FHIT: variants seen among roughly 807,000 people sequenced by gnomAD.
FHIT encodes the protein bis(5'-adenosyl)-triphosphatase.
In FHIT, 19 loss-of-function variants were observed where a neutral mutation model predicts 17.9. The observed-to-expected ratio is 1.06, with a 90% CI of 0.74 to 1.56. The LOEUF is 1.56. Ranked by LOEUF, FHIT falls within the 40% of genes most tolerant of loss-of-function variation. The pLI, the probability that FHIT is intolerant of heterozygous loss-of-function variation, is 0.00. For missense variants in FHIT, 248 were observed against 189.2 expected (o/e 1.31, Z -1.82); for synonymous variants, 81 against 69.7 (o/e 1.16, Z -0.81).
chr3:60,145,033 C>A (rs1220524271), intron 5 of FHIT, among the ~76,000 whole-genome samples: 1 of 152,082 alleles, frequency 6.6e-6, no homozygotes, highest in Non-Finnish European at 1.5e-5. Context: ...TCAGATTATC[C>A]CAATGGTCTA....
intron 3 of FHIT, among the ~76,000 whole-genome samples, chr3:60,985,552 T>C (rs151053251): frequency 1.4e-3 from 220 of 152,326 alleles, no homozygotes; most frequent in African/African-American, 5.1e-3. Context: ...CAGAACATTA[T>C]ACTCTATCTC....
chr3:60,146,814 A>G (rs1482642035), intron 5 of FHIT, among the ~76,000 whole-genome samples: 1 of 152,186 alleles, frequency 6.6e-6, no homozygotes, highest in East Asian at 1.9e-4. Context: ...ACTTCCTACC[A>G]TGCGTCCGCT....
chr3:60,078,473 A>C (rs1017740929), intron 5 of FHIT, among the ~76,000 whole-genome samples: 30 of 152,162 alleles, frequency 2.0e-4, no homozygotes, highest in African/African-American at 6.8e-4. Context: ...CAAAAATGTC[A>C]AGGTCATGAA....
intron 4 of FHIT, among the ~76,000 whole-genome samples, chr3:60,568,447 G>A (rs1461713245): frequency 2.0e-5 from 3 of 151,812 alleles, no homozygotes; most frequent in Non-Finnish European, 2.9e-5. Flanking sequence ...TCACACACCA[G>A]GGCCTGTTGT....
intron 8 of FHIT, among the ~76,000 whole-genome samples, chr3:59,791,036 G>GC (rs1699534403): frequency 6.6e-6 from 1 of 152,144 alleles, no homozygotes; most frequent in African/African-American, 2.4e-5. Context: ...CCCTGACTTT[G>GC]CCTGGGCTCC....
chr3:60,586,612 C>T (rs2037915023), intron 4 of FHIT, among the ~76,000 whole-genome samples: 1 of 151,864 alleles, frequency 6.6e-6, no homozygotes. Context: ...CAATGATAGA[C>T]TGAATAAAGA....
At chr3:60,157,247 T>G (rs776796062) in intron 5 of FHIT, among the ~76,000 whole-genome samples, 1 of 152,134 alleles carries the variant, frequency 6.6e-6, no homozygotes, top group Non-Finnish European at 1.5e-5. Flanking sequence ...AAGACCACAG[T>G]GAATGATCGG....
chr3:61,157,268 G>C (rs1214607566), intron 2 of FHIT, among the ~76,000 whole-genome samples: 1 of 152,128 alleles, frequency 6.6e-6, no homozygotes, highest in Non-Finnish European at 1.5e-5. Context: ...CATGGTGGAT[G>C]AAAGTAAGAT....
chr3:59,801,572 G>A (rs1699994310), intron 8 of FHIT, among the ~76,000 whole-genome samples: 1 of 152,116 alleles, frequency 6.6e-6, no homozygotes, highest in Non-Finnish European at 1.5e-5. Context: ...CTTCACTAGT[G>A]CCACAGTGTG....
intron 5 of FHIT, among the ~76,000 whole-genome samples, chr3:60,109,750 T>C (rs187947093): frequency 1.3e-5 from 2 of 152,192 alleles, no homozygotes; most frequent in African/African-American, 4.8e-5. Flanking sequence ...GTTCTTAGCT[T>C]TGCCTGCTGG....
intron 4 of FHIT, among the ~76,000 whole-genome samples, chr3:60,657,912 AT>A (rs1291055065): frequency 6.6e-6 from 1 of 151,958 alleles, no homozygotes; most frequent in Non-Finnish European, 1.5e-5. Flanking sequence ...CGTTATTATT[AT>A]TTTTTTCCAA....
At chr3:60,638,719 C>T (rs1445263585) in intron 4 of FHIT, among the ~76,000 whole-genome samples, 1 of 151,956 alleles carries the variant, frequency 6.6e-6, no homozygotes, top group Non-Finnish European at 1.5e-5. Flanking sequence ...GATATATTAA[C>T]ATCCTATGAT....
At position 60,663,153 on chromosome 3, in the gene FHIT, G is replaced by GTGATATATATATATATATATATAT. The variant is rs57146494; in HGVS notation, c.-17-126175_-17-126174insATATATATATATATATATATATCA. On this transcript the variant is annotated intron_variant, in intron 4 of 9. Coordinates refer to ENST00000492590, the MANE Select transcript of FHIT (RefSeq NM_002012.4). ...CTATATAGCCCTAATATTGGGTGGA[G>GTGATATATATATATATATATATAT]ATATATATCTCTTTAATGTTGGGTT... is the stretch of plus-strand genomic sequence containing the variant. 4.2e-3 allele frequency among the ~76,000 whole-genome samples: 325 copies of GTGATATATATATATATATATATAT among 77,990 alleles called. 75 individuals are homozygous for GTGATATATATATATATATATATAT. The highest frequency in any genetic ancestry group is 9.2e-3 in the East Asian group (21 of 2,272). 51.2% of individuals were successfully genotyped at this position (77,990 alleles called of 152,430 possible).
chr3:61,226,982 G>GA (rs950667988), intron 1 of FHIT, among the ~76,000 whole-genome samples: 2 of 151,688 alleles, frequency 1.3e-5, no homozygotes, highest in Admixed American at 6.6e-5. Flanking sequence ...AATGAAGCCT[G>GA]AAAAAAAACG....
rs143130849 is a variant in FHIT at position 60,781,162 on chromosome 3, G to T, written c.-18+40757C>A. On this transcript the variant is annotated intron_variant, in intron 4 of 9. Transcript: ENST00000492590. The stretch of plus-strand genomic sequence containing the variant: ...AAGCACATAAGTGGAGAATGCACAC[G>T]TTAGCCCATTTTCAATAGTTTAATA... Among the ~76,000 whole-genome samples, 207 of 152,280 alleles carry T rather than the reference G, an allele frequency of 1.4e-3. 2 individuals are homozygous for T. Among genetic ancestry groups the T allele is most frequent in the African/African-American group, 4.7e-3 (194 of 41,548 alleles).
intron 3 of FHIT, among the ~76,000 whole-genome samples, chr3:60,903,843 T>G (rs1559815602): frequency 6.6e-6 from 1 of 152,210 alleles, no homozygotes; most frequent in East Asian, 1.9e-4. Flanking sequence ...AGTCAGGTTT[T>G]TCTAGCCTAT....
chr3:61,049,829 A>AT (rs761444854), intron 2 of FHIT, among the ~76,000 whole-genome samples: 1 of 152,082 alleles, frequency 6.6e-6, no homozygotes, highest in Non-Finnish European at 1.5e-5. Context: ...CAATGGAAGG[A>AT]TTTTTTTGAG....
At chr3:60,706,202 A>T (rs546007420) in intron 4 of FHIT, among the ~76,000 whole-genome samples, 5 of 137,054 alleles carry the variant, frequency 3.6e-5, no homozygotes, top group Admixed American at 3.1e-4. Flanking sequence ...ATGAGAACAC[A>T]TGGACACAGG....
At chr3:60,859,277 T>C (rs911085181) in intron 3 of FHIT, among the ~76,000 whole-genome samples, 64 of 152,184 alleles carry the variant, frequency 4.2e-4, no homozygotes, top group Non-Finnish European at 5.0e-4. Context: ...TTCAACCTTT[T>C]TGAGTCTCAG....
Sources: gnomAD v4.1 joint callset for allele counts (sites outside exome capture counted in the v4.1 genomes callset) on GRCh38, gnomAD v4.1.1 for gene constraint, MANE v1.5 for transcripts, NCBI Gene and HGNC (gene_info 2026-07-23, HGNC 2026-07-21) for gene names.